The following MDGA2 variants were observed in gnomAD, a reference collection of about 807,000 sequenced individuals.
MDGA2 encodes MAM domain containing glycosylphosphatidylinositol anchor 2.
A neutral mutation model predicts 117.8 loss-of-function variants in MDGA2; 40 were observed. The ratio of observed to expected loss-of-function variants is 0.34; its 90% CI spans 0.26 to 0.44. The LOEUF (loss-of-function observed/expected upper bound fraction) is 0.44. Among genes scored for constraint, MDGA2 ranks in the 20% least tolerant of loss-of-function variants. The pLI is 1.00. For missense variants in MDGA2, 1,123 were observed against 1,250.6 expected, an observed-to-expected ratio of 0.90 and a Z score of 1.54; for synonymous variants, 452 against 439.0, an observed-to-expected ratio of 1.03 and a Z score of -0.37.
intron 9 of MDGA2, among the ~76,000 whole-genome samples, chr14:46,943,007 T>C (rs765096634): frequency 3.3e-5 from 5 of 152,108 alleles, no homozygotes; most frequent in Non-Finnish European, 7.4e-5. Context: ...AATCTTGAAC[T>C]ATAATTATGG....
chr14:46,893,902 AT>A (rs1566511578), intron 10 of MDGA2, among the ~76,000 whole-genome samples: 3 of 151,894 alleles, frequency 2.0e-5, no homozygotes, highest in Non-Finnish European at 4.4e-5. Flanking sequence ...TATTTTATAA[AT>A]TTTTTTAGAC....
chr14:47,467,793 A>G (rs1435301157), intron 1 of MDGA2, among the ~76,000 whole-genome samples: 2 of 152,138 alleles, frequency 1.3e-5, no homozygotes, highest in African/African-American at 4.8e-5. Flanking sequence ...TTTGATGCCA[A>G]TATATCATTT....
At chr14:47,667,967 T>C (rs1407657746) in intron 1 of MDGA2, among the ~76,000 whole-genome samples, 3 of 152,192 alleles carry the variant, frequency 2.0e-5, no homozygotes, top group Non-Finnish European at 2.9e-5. Flanking sequence ...ACACAAAGTG[T>C]AAGTTACATC....
chr14:47,434,530 T>C (rs976928935), intron 1 of MDGA2, among the ~76,000 whole-genome samples: 19 of 152,118 alleles, frequency 1.2e-4, no homozygotes, highest in African/African-American at 2.4e-4. Context: ...TCAAAGAAGG[T>C]AGAATATCAT....
chr14:47,011,047 A>G (rs12050189), intron 8 of MDGA2, among the ~76,000 whole-genome samples: 17,920 of 152,068 alleles, frequency 0.12, 1,212 homozygotes, highest in South Asian at 0.27. Flanking sequence ...AATGATTAGA[A>G]GTTTACTTTG....
intron 1 of MDGA2, among the ~76,000 whole-genome samples, chr14:47,530,089 G>C (rs1464979715): frequency 1.3e-5 from 2 of 152,184 alleles, no homozygotes; most frequent in Non-Finnish European, 2.9e-5. Context: ...TGTAGTCAGG[G>C]AGGTTTCACA....
intron 1 of MDGA2, chr14:47,342,811 A>T: frequency 3.1e-6 from 1 of 324,344 alleles, no homozygotes. Flanking sequence ...GTAGCAGCAA[A>T]TTCTTCTCCA....
chr14:47,435,333 C>A (rs1892875841), intron 1 of MDGA2, among the ~76,000 whole-genome samples: 1 of 152,100 alleles, frequency 6.6e-6, no homozygotes, highest in South Asian at 2.1e-4. Flanking sequence ...CATTAAAATG[C>A]ATTTCTGCAA....
chr14:47,108,487 C>G (rs569237756), intron 5 of MDGA2, among the ~76,000 whole-genome samples: 1 of 152,176 alleles, frequency 6.6e-6, no homozygotes, highest in Non-Finnish European at 1.5e-5. Flanking sequence ...CTTGCCTTAA[C>G]TGATGACATT....
chr14:47,251,521 C>T (rs1407557773), intron 2 of MDGA2, among the ~76,000 whole-genome samples: 1 of 151,986 alleles, frequency 6.6e-6, no homozygotes. Context: ...ACTCATTACC[C>T]CCGAAGTATA....
chr14:47,625,302 T>C (rs910825123), intron 1 of MDGA2, among the ~76,000 whole-genome samples: 21 of 148,304 alleles, frequency 1.4e-4, no homozygotes, highest in African/African-American at 4.2e-4. Context: ...ACAATGTTTA[T>C]GCAAAAACAA....
At chr14:47,251,819 T>G (rs1005832988) in intron 2 of MDGA2, among the ~76,000 whole-genome samples, 8 of 152,338 alleles carry the variant, frequency 5.3e-5, no homozygotes, top group African/African-American at 1.9e-4. Flanking sequence ...ATGCTGTCTC[T>G]GCTTATTAGT....
intron 1 of MDGA2, among the ~76,000 whole-genome samples, chr14:47,384,112 A>C (rs1275745273): frequency 1.3e-5 from 2 of 152,034 alleles, no homozygotes; most frequent in Non-Finnish European, 2.9e-5. Flanking sequence ...CTATAATTTC[A>C]TATGAAAAAT....
intron 9 of MDGA2, among the ~76,000 whole-genome samples, chr14:46,942,839 T>C (rs905145158): frequency 2.0e-5 from 3 of 152,116 alleles, no homozygotes; most frequent in African/African-American, 7.2e-5. Context: ...CTATTACAAA[T>C]GAAGCTGATA....
chr14:47,180,378 A>C (rs1244426956), intron 3 of MDGA2, among the ~76,000 whole-genome samples: 1 of 152,216 alleles, frequency 6.6e-6, no homozygotes, highest in African/African-American at 2.4e-5. Context: ...GAGCTTCTGC[A>C]CAGCAAAAGA....
At chr14:47,315,172 C>T (rs187983420) in intron 1 of MDGA2, among the ~76,000 whole-genome samples, 2 of 152,080 alleles carry the variant, frequency 1.3e-5, no homozygotes, top group African/African-American at 4.8e-5. Flanking sequence ...GACTATAATA[C>T]TTTTTCTACT....
intron 1 of MDGA2, among the ~76,000 whole-genome samples, chr14:47,425,114 T>C (rs1892660772): frequency 1.3e-5 from 2 of 152,184 alleles, no homozygotes; most frequent in Non-Finnish European, 2.9e-5. Flanking sequence ...ATTTAGCTTA[T>C]CTGATAAGTC....
At chr14:47,041,723 A>G (rs1424901488) in intron 7 of MDGA2, among the ~76,000 whole-genome samples, 1 of 152,096 alleles carries the variant, frequency 6.6e-6, no homozygotes, top group Non-Finnish European at 1.5e-5. Flanking sequence ...CAAATATAGA[A>G]AAAGAAAATA....
chr14:47,177,358 T>C (rs1313471393), intron 3 of MDGA2, among the ~76,000 whole-genome samples: 1 of 152,160 alleles, frequency 6.6e-6, no homozygotes, highest in East Asian at 1.9e-4. Flanking sequence ...ACACGTATGT[T>C]TACTGCGGCA....
Sources: gnomAD v4.1 joint callset for allele counts (sites outside exome capture counted in the v4.1 genomes callset) on GRCh38, gnomAD v4.1.1 for gene constraint, MANE v1.5 for transcripts, NCBI Gene and HGNC (gene_info 2026-07-23, HGNC 2026-07-21) for gene names.